The following MYO9A variants were observed in gnomAD, a reference collection of about 807,000 sequenced individuals.
MYO9A encodes the protein myosin IXA, also known as unconventional myosin-IXa.
A neutral mutation model predicts 293.3 loss-of-function variants in MYO9A; 103 were observed. That is an observed-to-expected ratio of 0.35 (90% CI 0.30 to 0.41). The LOEUF is 0.41. MYO9A is among the 10% of genes least tolerant of loss of function. MYO9A has a pLI of 1.00. For missense variants in MYO9A, 2,685 were observed against 3,033.0 expected, an observed-to-expected ratio of 0.89 and a Z score of 2.69; for synonymous variants, 1,001 against 1,035.7, an observed-to-expected ratio of 0.97 and a Z score of 0.64.
At chr15:71,901,364 G>A in intron 22 of MYO9A, 24 bp from the exon 23 acceptor site, 3 of 1,596,696 alleles carry the variant, frequency 1.9e-6, no homozygotes, top group Non-Finnish European at 2.6e-6. Context: ...GAAAGATGAG[G>A]AATGCAGCTT....
intron 32 of MYO9A, among the ~76,000 whole-genome samples, chr15:71,867,050 CTG>C (rs1163501459): frequency 6.7e-6 from 1 of 150,066 alleles, no homozygotes; most frequent in African/African-American, 2.5e-5. Flanking sequence ...GAGTGAGACT[CTG>C]TATCAAAAAA....
At chr15:71,906,461 T>C (rs181126956) in intron 19 of MYO9A, among the ~76,000 whole-genome samples, 1 of 152,118 alleles carries the variant, frequency 6.6e-6, no homozygotes, top group African/African-American at 2.4e-5. Flanking sequence ...ATTCTATCAG[T>C]TTTTGGTTCA....
chr15:71,829,741 A>C (rs2054641007), intron 40 of MYO9A, among the ~76,000 whole-genome samples: 1 of 152,048 alleles, frequency 6.6e-6, no homozygotes, highest in African/African-American at 2.4e-5. Context: ...CTGTTCATGG[A>C]GGCTGGTCTC....
chr15:72,032,765 A>T (rs193274829), intron 2 of MYO9A, among the ~76,000 whole-genome samples, 177 bp from the exon 3 acceptor site: 78 of 152,314 alleles, frequency 5.1e-4, no homozygotes, highest in Middle Eastern at 3.4e-3. Context: ...TTTTTAAAAA[A>T]AAAGCAATTA....
intron 39 of MYO9A, among the ~76,000 whole-genome samples, chr15:71,839,406 T>TTTCC (rs1567184090): frequency 6.6e-6 from 1 of 151,914 alleles, no homozygotes; most frequent in South Asian, 2.1e-4. Flanking sequence ...CAGGTTTTTT[T>TTTCC]TTTCTTTCTT....
At chr15:72,065,406 T>C (rs989377761) in intron 1 of MYO9A, among the ~76,000 whole-genome samples, 11 of 151,248 alleles carry the variant, frequency 7.3e-5, no homozygotes, top group Non-Finnish European at 1.3e-4. Flanking sequence ...TCCCAGCTAC[T>C]TGGGAGGCTG....
At chr15:71,969,930 G>T (rs2075968904) in intron 12 of MYO9A, among the ~76,000 whole-genome samples, 1 of 152,088 alleles carries the variant, frequency 6.6e-6, no homozygotes, top group Non-Finnish European at 1.5e-5. Flanking sequence ...CTAGAGATTT[G>T]AAAACTACCA....
At chr15:71,956,857 ACAAAT>A (rs1567316048) in intron 14 of MYO9A, among the ~76,000 whole-genome samples, 16 of 84,512 alleles carry the variant, frequency 1.9e-4, no homozygotes, top group Admixed American at 5.4e-4. Context: ...ACACACACAC[ACAAAT>A]ATATATATAT....
chr15:71,902,974 A>G lies in MYO9A; in HGVS notation c.2967T>C (p.Leu989=). The G allele has an allele frequency of 6.3e-7, 1 of 1,586,486 alleles. No individual in the cohort carries two copies. Among genetic ancestry groups the G allele is most frequent in the Middle Eastern group, 1.7e-4 (1 of 6,012 alleles). Residue 989 remains leucine (L), a synonymous_variant, in exon 22 of 42, where the codon CTT becomes CTC. Coordinates refer to ENST00000356056, the MANE Select transcript of MYO9A (RefSeq NM_006901.4). ...TTCCAACTTGATAATTATCTGGATT[A>G]AGATTTATTTTCCTGAAGAAATCCT... is the stretch of plus-strand genomic sequence containing the variant. ...NIQDFFRKIN[L]NPDNYQVGKT...
chr15:71,992,001 C>T lies in MYO9A; in HGVS notation c.1588-764G>A, dbSNP rs547169631. On this transcript the variant is annotated intron_variant, in intron 10 of 41. Transcript: ENST00000356056. The stretch of plus-strand genomic sequence containing the variant: ...AACTCCTGAGTGCAGGTGATCCACC[C>T]GCCTCGGCCTCCCAAAGTGCTGGGA... Among the ~76,000 whole-genome samples the T allele has an allele frequency of 5.3e-5, 8 of 152,218 alleles. 1 individual carries two copies. The South Asian group carries it at 1.7e-3, about 32-fold the overall frequency.
intron 1 of MYO9A, among the ~76,000 whole-genome samples, chr15:72,060,276 G>C (rs574319881): frequency 3.7e-4 from 56 of 151,958 alleles, no homozygotes; most frequent in African/African-American, 1.2e-3. Flanking sequence ...ATGTAGTCAT[G>C]CACTTTGTAT....
rs763217601 is a variant in MYO9A at position 71,827,952 on chromosome 15, G to C, written c.7115C>G (p.Ser2372Cys). 1 of 1,613,736 alleles carries C rather than the reference G, an allele frequency of 6.2e-7. No individual in the cohort carries two copies. The highest frequency in any genetic ancestry group is 1.7e-5 in the Admixed American group (1 of 59,974). Residue 2372 changes from serine (S) to cysteine (C), a missense_variant, in exon 41 of 42, where the codon TCC becomes TGC. This residue lies in a region of MYO9A where 350 missense variants were observed against 328.9 expected (regional missense o/e 1.06). Coordinates refer to ENST00000356056, the MANE Select transcript of MYO9A (RefSeq NM_006901.4). ...CTCTGAGCTATCAGCAGTCCCAATG[G>C]AGGCCTCAGACTCAAGGGTTTCATC... is the stretch of plus-strand genomic sequence containing the variant. ...SDDETLESEA[S>C]IGTADSSENL...
At chr15:72,051,950 C>T (rs1039548729) in intron 1 of MYO9A, among the ~76,000 whole-genome samples, 2 of 152,162 alleles carry the variant, frequency 1.3e-5, no homozygotes, top group South Asian at 2.1e-4. Flanking sequence ...CATTGGCACC[C>T]GATGACCAGA....
At chr15:71,911,458 G>A (rs1010887351) in intron 19 of MYO9A, among the ~76,000 whole-genome samples, 20 of 152,146 alleles carry the variant, frequency 1.3e-4, no homozygotes, top group African/African-American at 4.3e-4. Flanking sequence ...AGGTTTCACC[G>A]CTTGAAGAAA....
chr15:71,982,962 ACTG>A (rs1185591988), intron 11 of MYO9A, among the ~76,000 whole-genome samples: 1 of 152,086 alleles, frequency 6.6e-6, no homozygotes, highest in Admixed American at 6.5e-5. Context: ...TATAGCTACA[ACTG>A]CTTTTTTTCT....
intron 1 of MYO9A, among the ~76,000 whole-genome samples, chr15:72,058,730 T>A (rs536197149): frequency 7.9e-5 from 12 of 152,288 alleles, no homozygotes; most frequent in Non-Finnish European, 1.0e-4. Flanking sequence ...GTTGCTGTGG[T>A]TTAGCAGGGT....
chr15:72,034,384 T>C (rs1030731064), intron 2 of MYO9A, among the ~76,000 whole-genome samples: 3 of 152,230 alleles, frequency 2.0e-5, no homozygotes, highest in Admixed American at 6.5e-5. Flanking sequence ...TTTTACTATG[T>C]CTTAAGAAAT....
chr15:71,935,454 T>C lies in MYO9A; in HGVS notation c.2409A>G (p.Arg803=). 2 of 1,613,618 alleles carry C rather than the reference T, an allele frequency of 1.2e-6. No homozygotes were observed. The highest frequency in any genetic ancestry group is 1.7e-4 in the Middle Eastern group (1 of 6,058). ...ATAGTCTGCTCTGGCGAATCCCAGT[T>C]CTGCCATTCCAGGCAATATCAAATG... ...HDTFDIAWNG[R]TGIRQSRLSS... is the part of the protein sequence containing the mutation. Residue 803 remains arginine (R), a synonymous_variant, in exon 17 of 42, where the codon AGA becomes AGG. Transcript: ENST00000356056.
At chr15:71,955,725 C>T (rs112368039) in intron 14 of MYO9A, among the ~76,000 whole-genome samples, 2,638 of 152,192 alleles carry the variant, frequency 0.017, 79 homozygotes, top group African/African-American at 0.06. Context: ...TTAAAGTATA[C>T]AATTAAATGC....
Sources: allele counts gnomAD v4.1 joint callset (sites outside exome capture counted in the v4.1 genomes callset), GRCh38; gene constraint gnomAD v4.1.1; regional missense constraint gnomAD v4.1.1; transcripts MANE v1.5; gene names NCBI Gene and HGNC (gene_info 2026-07-23, HGNC 2026-07-21).